ACBD6: variants seen among roughly 807,000 people sequenced by gnomAD.
ACBD6 encodes the protein acyl-CoA-binding domain-containing protein 6.
In ACBD6, 28 loss-of-function variants were observed where a neutral mutation model predicts 37.2. The ratio of observed to expected loss-of-function variants is 0.75; its 90% CI spans 0.56 to 1.03. The LOEUF is 1.03. Among genes scored for constraint, ACBD6 ranks in the 50% least tolerant of loss-of-function variants. The probability of loss-of-function intolerance (pLI) is 0.00; values close to 1 mark genes in which losing one functional copy is unlikely to be tolerated. For missense variants in ACBD6, 340 were observed against 337.4 expected (o/e 1.01, Z -0.06); for synonymous variants, 113 against 126.8 (o/e 0.89, Z 0.73).
chr1:180,280,935 G>C (rs563778624), intron 9 of ACBD6, among the ~76,000 whole-genome samples: 5 of 152,190 alleles, frequency 3.3e-5, no homozygotes, highest in African/African-American at 1.2e-4. Context: ...CATGTTTTTG[G>C]GTAGCCTAAC....
intron 6 of ACBD6, among the ~76,000 whole-genome samples, chr1:180,378,371 A>C (rs1477929847): frequency 1.3e-5 from 2 of 152,244 alleles, no homozygotes; most frequent in Non-Finnish European, 2.9e-5. Context: ...AATACTGGAT[A>C]GGATCTTGGA....
intron 3 of ACBD6, among the ~76,000 whole-genome samples, chr1:180,485,074 C>CAA (rs61286766): frequency 1.2e-4 from 11 of 92,202 alleles, no homozygotes; most frequent in Non-Finnish European, 1.4e-4. Context: ...GACTCTGTCT[C>CAA]AAAAAAAAAA....
At chr1:180,314,800 T>A (rs1297368639) in intron 6 of ACBD6, 78 bp from the exon 7 acceptor site, 2 of 1,060,998 alleles carry the variant, frequency 1.9e-6, no homozygotes. Context: ...TGTAGCAAAT[T>A]TATCTGATAT....
At chr1:180,375,738 A>G (rs968453487) in intron 6 of ACBD6, among the ~76,000 whole-genome samples, 5 of 152,230 alleles carry the variant, frequency 3.3e-5, no homozygotes. Context: ...GTAAACTATG[A>G]AACCATACGA....
intron 3 of ACBD6, among the ~76,000 whole-genome samples, chr1:180,448,268 G>A (rs1156831056): frequency 6.6e-6 from 1 of 152,018 alleles, no homozygotes; most frequent in Non-Finnish European, 1.5e-5. Flanking sequence ...TATAACTTCT[G>A]GATATTATAA....
At chr1:180,332,248 TCCA>T (rs1331805497) in intron 6 of ACBD6, among the ~76,000 whole-genome samples, 1 of 152,182 alleles carries the variant, frequency 6.6e-6, no homozygotes, top group Admixed American at 6.5e-5. Context: ...AGTACAAACC[TCCA>T]CCATTTCCTA....
chr1:180,455,604 T>A (rs1649884326), intron 3 of ACBD6, among the ~76,000 whole-genome samples: 1 of 152,108 alleles, frequency 6.6e-6, no homozygotes, highest in South Asian at 2.1e-4. Flanking sequence ...CTTGAAAAGG[T>A]AGGTTTGATT....
intron 6 of ACBD6, among the ~76,000 whole-genome samples, chr1:180,315,027 T>C (rs975464201): frequency 6.6e-6 from 1 of 152,206 alleles, no homozygotes; most frequent in Non-Finnish European, 1.5e-5. Flanking sequence ...GGTTACCTAG[T>C]TCATGGCAGA....
intron 6 of ACBD6, among the ~76,000 whole-genome samples, chr1:180,343,669 G>A (rs909000194): frequency 6.6e-6 from 1 of 152,100 alleles, no homozygotes; most frequent in Non-Finnish European, 1.5e-5. Context: ...TCCTTTGAAG[G>A]TAAGGATCAT....
Position 180,337,737 on chromosome 1 carries a change from T to C in ACBD6, c.664-23015A>G, listed in dbSNP as rs1280287939. ...TTGTCCCTGTTTGCAGATGACATGA[T>C]TGTATATCTAGAAAACCCCATCGTC... On this transcript the variant is annotated intron_variant, in intron 6 of 7. Coordinates refer to ENST00000367595, the MANE Select transcript of ACBD6 (RefSeq NM_032360.4). Among the ~76,000 whole-genome samples, 8 of 152,330 alleles carry C rather than the reference T, an allele frequency of 5.3e-5. No homozygotes were observed. The East Asian group carries it at 5.8e-4, about 11-fold the overall frequency.
chr1:180,478,154 T>A (rs1650875578), intron 3 of ACBD6, among the ~76,000 whole-genome samples: 1 of 152,056 alleles, frequency 6.6e-6, no homozygotes, highest in Admixed American at 6.5e-5. Context: ...AAGTACATCA[T>A]TTTGGGATGT....
chr1:180,342,717 T>C lies in ACBD6; in HGVS notation c.664-27995A>G, dbSNP rs146857120. Among the ~76,000 whole-genome samples, 63 of 152,224 alleles carry C rather than the reference T, an allele frequency of 4.1e-4. 2 individuals carry two copies. The East Asian group carries it at 0.012, about 29-fold the overall frequency. Reference sequence around the variant, plus strand: ...AATGGAATTGATATTAAAGCATGAGTATAAGCCCAAACATTTTTTCTCAAT... The same window carrying C: ...AATGGAATTGATATTAAAGCATGAGCATAAGCCCAAACATTTTTTCTCAAT... On this transcript the variant is annotated intron_variant, in intron 6 of 7. Coordinates refer to ENST00000367595, the MANE Select transcript of ACBD6 (RefSeq NM_032360.4).
At chr1:180,348,007 C>T (rs1158652065) in intron 6 of ACBD6, among the ~76,000 whole-genome samples, 1 of 151,860 alleles carries the variant, frequency 6.6e-6, no homozygotes, top group East Asian at 1.9e-4. Flanking sequence ...ATAATCTTGT[C>T]TCTCTCTTAG....
intron 3 of ACBD6, among the ~76,000 whole-genome samples, chr1:180,481,114 A>ATCCAAT (rs1444975949): frequency 1.3e-5 from 2 of 152,112 alleles, no homozygotes; most frequent in Non-Finnish European, 2.9e-5. Flanking sequence ...TGGAGCTAAC[A>ATCCAAT]TCCAATTCCC....
chr1:180,389,870 T>C (rs1426507344), intron 6 of ACBD6, among the ~76,000 whole-genome samples: 1 of 152,202 alleles, frequency 6.6e-6, no homozygotes, highest in Admixed American at 6.5e-5. Context: ...TCTTGTAAAT[T>C]GGTTTGAGTT....
chr1:180,345,853 T>C (rs988084939), intron 6 of ACBD6, among the ~76,000 whole-genome samples: 2 of 152,220 alleles, frequency 1.3e-5, no homozygotes, highest in African/African-American at 4.8e-5. Context: ...TTTTAACTTT[T>C]CCGTATATTC....
At chr1:180,447,625 T>C (rs1168730607) in intron 3 of ACBD6, among the ~76,000 whole-genome samples, 13 of 152,176 alleles carry the variant, frequency 8.5e-5, no homozygotes, top group African/African-American at 2.9e-4. Flanking sequence ...CAGGTTATTA[T>C]GACTAATTTT....
chr1:180,495,918 G>A (rs1298017402), intron 1 of ACBD6, among the ~76,000 whole-genome samples: 1 of 152,232 alleles, frequency 6.6e-6, no homozygotes, highest in East Asian at 1.9e-4. Context: ...TAATTTATCA[G>A]AATTCATAAC....
chr1:180,486,631 C>G (rs1447106638), intron 3 of ACBD6, among the ~76,000 whole-genome samples: 2 of 152,042 alleles, frequency 1.3e-5, no homozygotes, highest in African/African-American at 4.8e-5. Flanking sequence ...AAAAATAATT[C>G]ACAAATATTA....
Sources: gnomAD v4.1 joint callset for allele counts (sites outside exome capture counted in the v4.1 genomes callset) on GRCh38, gnomAD v4.1.1 for gene constraint, MANE v1.5 for transcripts, NCBI Gene and HGNC (gene_info 2026-07-23, HGNC 2026-07-21) for gene names.